Variants in TRAPPC13 observed in about 807,000 individuals in gnomAD.
TRAPPC13 encodes REV7-interacting novel NHEJ regulator 1.
TRAPPC13 carries 39 observed loss-of-function variants against 54.0 expected under a neutral mutation model. That is an observed-to-expected ratio of 0.72 (90% CI 0.56 to 0.94). The LOEUF is 0.94. Among genes scored for constraint, TRAPPC13 ranks in the 40% least tolerant of loss-of-function variants. The pLI, the probability that TRAPPC13 is intolerant of heterozygous loss-of-function variation, is 0.00. For missense variants in TRAPPC13, 386 were observed against 488.1 expected, an observed-to-expected ratio of 0.79 and a Z score of 1.97; for synonymous variants, 148 against 167.7, an observed-to-expected ratio of 0.88 and a Z score of 0.91.
In TRAPPC13 at chr5:65,651,076, G is replaced by C. The variant is rs191525534; in HGVS notation, c.501+194G>C. On this transcript the variant is annotated intron_variant, in intron 6 of 12. Transcript: ENST00000399438. The stretch of plus-strand genomic sequence containing the variant: ...GAATAAAAGCAGAAGAATTATCATT[G>C]CCAACATGTTTTTGTAATGAAACTT... 2.4e-3 allele frequency among the ~76,000 whole-genome samples: 361 copies of C among 152,236 alleles called. 2 individuals carry two copies. The highest frequency in any genetic ancestry group is 8.4e-3 in the African/African-American group (347 of 41,546).
intron 4 of TRAPPC13, among the ~76,000 whole-genome samples, chr5:65,641,370 G>A (rs1755958060): frequency 6.6e-6 from 1 of 152,074 alleles, no homozygotes; most frequent in African/African-American, 2.4e-5. Flanking sequence ...CTTAATAAAA[G>A]ATTTCGGATG....
chr5:65,660,566 C>T (rs886323773), intron 9 of TRAPPC13, 133 bp from the exon 10 acceptor site: 8 of 537,514 alleles, frequency 1.5e-5, no homozygotes, highest in Admixed American at 4.3e-5. Flanking sequence ...GTATTGAAAT[C>T]GTTAACATGT....
At chr5:65,662,847 T>A (rs946937071) in intron 11 of TRAPPC13, 25 of 152,306 alleles carry the variant, frequency 1.6e-4, no homozygotes, top group Middle Eastern at 3.4e-3. Flanking sequence ...CCTTCAAAAT[T>A]ACAGAAATAC....
intron 9 of TRAPPC13, among the ~76,000 whole-genome samples, chr5:65,659,582 G>A (rs143174787): frequency 2.0e-3 from 304 of 152,196 alleles, no homozygotes; most frequent in Non-Finnish European, 3.7e-3. Context: ...CAAAAGAAAA[G>A]GACATAGGAA....
chr5:65,625,335 C>A, intron 1 of TRAPPC13: 1 of 455,420 alleles, frequency 2.2e-6, no homozygotes, highest in Admixed American at 4.1e-5. Context: ...CTGATCTGTG[C>A]TGCTTCAGTC....
Position 65,658,799 on chromosome 5 carries a change from A to G in TRAPPC13, c.698+298A>G, listed in dbSNP as rs1756745921. ...CATGATCTTGATCTAGGCTCACTGT[A>G]ACCTCCACCTCCCAGGTTCAAGCAA... is the stretch of plus-strand genomic sequence containing the variant. On this transcript the variant is annotated intron_variant, in intron 9 of 12. Transcript: ENST00000399438. Among the ~76,000 whole-genome samples the G allele has an allele frequency of 2.6e-5, 4 of 152,014 alleles. No homozygotes were observed. The South Asian group carries it at 8.3e-4, about 32-fold the overall frequency.
chr5:65,660,460 C>T (rs1202122671), intron 9 of TRAPPC13, among the ~76,000 whole-genome samples: 1 of 150,358 alleles, frequency 6.7e-6, no homozygotes, highest in Non-Finnish European at 1.5e-5. Flanking sequence ...CCCTGCCTTT[C>T]GGGGTCCAAT....
chr5:65,638,128 A>AAAG (rs200776268), intron 4 of TRAPPC13, among the ~76,000 whole-genome samples: 5,702 of 151,656 alleles, frequency 0.038, 160 homozygotes, highest in Non-Finnish European at 0.058. Flanking sequence ...ATCTCAAAAA[A>AAAG]AAAAAAAAGA....
chr5:65,647,004 A>C (rs1756237233), intron 4 of TRAPPC13, 51 bp from the exon 5 acceptor site: 1 of 1,492,614 alleles, frequency 6.7e-7, no homozygotes, highest in East Asian at 2.5e-5. Flanking sequence ...CACACCCTGT[A>C]GGTAACCAGT....
At chr5:65,628,526 G>A (rs996839551) in intron 1 of TRAPPC13, among the ~76,000 whole-genome samples, 12 of 150,330 alleles carry the variant, frequency 8.0e-5, no homozygotes, top group African/African-American at 2.9e-4. Flanking sequence ...ATGGGAGTAC[G>A]ATGGCGCGAT....
At chr5:65,658,626 A>G in intron 9 of TRAPPC13, 125 bp downstream of exon 9, 1 of 756,776 alleles carries the variant, frequency 1.3e-6, no homozygotes, top group Non-Finnish European at 1.9e-6. Flanking sequence ...GTTCATAGAA[A>G]AATTCATCAG....
chr5:65,655,406 A>G (rs1432571833), intron 7 of TRAPPC13, among the ~76,000 whole-genome samples: 1 of 152,196 alleles, frequency 6.6e-6, no homozygotes, highest in African/African-American at 2.4e-5. Context: ...GTATTCAGCC[A>G]TAGGGTTCTT....
chr5:65,642,000 A>G (rs1419201762), intron 4 of TRAPPC13, among the ~76,000 whole-genome samples: 1 of 151,890 alleles, frequency 6.6e-6, no homozygotes, highest in East Asian at 1.9e-4. Flanking sequence ...ATTTATCTGC[A>G]TAGAGGTCTG....
chr5:65,646,657 A>G (rs1417564941), intron 4 of TRAPPC13, among the ~76,000 whole-genome samples: 13 of 152,160 alleles, frequency 8.5e-5, no homozygotes. Flanking sequence ...TTTGTGTACC[A>G]TTCTTTTTGT....
At chr5:65,634,896 C>CAAA in intron 1 of TRAPPC13, 1 of 604,846 alleles carries the variant, frequency 1.7e-6, no homozygotes, top group Non-Finnish European at 2.0e-6. Flanking sequence ...AAGCCTGTCT[C>CAAA]AAAAAAAAAA....
chr5:65,638,848 C>A (rs1278436658), intron 4 of TRAPPC13, among the ~76,000 whole-genome samples: 1 of 152,126 alleles, frequency 6.6e-6, no homozygotes, highest in Non-Finnish European at 1.5e-5. Flanking sequence ...CTTTGGGAGG[C>A]CAAGGCGGGT....
chr5:65,634,201 A>G (rs191780967), intron 1 of TRAPPC13, among the ~76,000 whole-genome samples: 3,195 of 151,714 alleles, frequency 0.021, 43 homozygotes, highest in Non-Finnish European at 0.03. Flanking sequence ...TAGCCAGGAT[A>G]GTCTCAATCT....
At chr5:65,635,432 T>TA in intron 2 of TRAPPC13, 63 bp downstream of exon 2, 1 of 1,294,872 alleles carries the variant, frequency 7.7e-7, no homozygotes, top group Non-Finnish European at 1.1e-6. Flanking sequence ...TTGCCTGCAT[T>TA]ACCTTGGACT....
chr5:65,641,479 G>A (rs1382975963), intron 4 of TRAPPC13, among the ~76,000 whole-genome samples: 2 of 152,138 alleles, frequency 1.3e-5, no homozygotes, highest in East Asian at 3.9e-4. Flanking sequence ...CAAGGCAGGA[G>A]GAGCCCTTGA....
Sources: allele counts gnomAD v4.1 joint callset (sites outside exome capture counted in the v4.1 genomes callset), GRCh38; gene constraint gnomAD v4.1.1; transcripts MANE v1.5; gene names NCBI Gene and HGNC (gene_info 2026-07-23, HGNC 2026-07-21).